Variants in RCCD1 observed in about 807,000 individuals in gnomAD.
RCCD1 encodes the protein RCC1 domain containing 1, also known as RCC1 domain-containing protein 1.
A neutral mutation model predicts 37.6 loss-of-function variants in RCCD1; 40 were observed. The ratio of observed to expected loss-of-function variants is 1.06; its 90% CI spans 0.83 to 1.39. The LOEUF (loss-of-function observed/expected upper bound fraction) is 1.39. Among genes scored for constraint, RCCD1 ranks in the 40% most tolerant of loss-of-function variants. RCCD1 has a pLI of 0.00. For synonymous variants in RCCD1, 263 were observed against 230.0 expected (o/e 1.14, Z -1.30); for missense variants, 577 against 517.3 (o/e 1.12, Z -1.12).
At chr15:90,957,058 T>TC (rs1338729423) in intron 2 of RCCD1, 55 bp from the exon 3 acceptor site, 14 of 1,295,072 alleles carry the variant, frequency 1.1e-5, no homozygotes, top group Non-Finnish European at 1.3e-5. Context: ...AACACCCCGC[T>TC]CCCCCCATCC....
chr15:90,961,512 G>A, intron 7 of RCCD1, 106 bp from the exon 8 acceptor site: 4 of 1,294,346 alleles, frequency 3.1e-6, no homozygotes, highest in Non-Finnish European at 4.2e-6. Flanking sequence ...ACAGAGCAGT[G>A]GGGCATAATC....
Position 90,957,699 on chromosome 15 carries a change from G to A in RCCD1, c.653G>A (p.Gly218Glu), listed in dbSNP as rs754145630. 23 of 1,612,680 alleles carry A rather than the reference G, an allele frequency of 1.4e-5. No individual in the cohort carries two copies. Among genetic ancestry groups the A allele is most frequent in the Admixed American group, 3.3e-5 (2 of 59,812 alleles). ...QGLVMAEVAA[G>E]GWHSVCVSET... ...CTAGTCATGGCTGAGGTGGCCGCGG[G>A]GGGCTGGCATTCTGTGTGTGTGAGT... The change falls in exon 4 of 8, where the codon GGG becomes GAG. Residue 218 changes from glycine (G) to glutamate (E), a missense_variant. By Grantham distance (98) the Gly-to-Glu change is moderately conservative. Transcript: ENST00000394258.
chr15:90,955,347 G>T (rs2037151993), intron 1 of RCCD1: 1 of 152,252 alleles, frequency 6.6e-6, no homozygotes, highest in Non-Finnish European at 1.5e-5. Context: ...CCCGCTGGGC[G>T]GGAGGCCTTT....
rs923305512 is a variant in RCCD1, at chr15:90,954,938, C to T, written c.-134C>T. 1 of 152,488 alleles carries T rather than the reference C, an allele frequency of 6.6e-6. No individual in the cohort carries two copies. The highest frequency in any genetic ancestry group is 2.4e-5 in the African/African-American group (1 of 41,476). 9.4% of individuals were successfully genotyped at this position (152,488 alleles called of 1,614,324 possible). ...TGTCGGGTTTTGAGCTGCCGCGGTCCCGGGACTGAGGTGGGTGGCGGGGTC... is the reference window on the plus strand; with the variant it reads ...TGTCGGGTTTTGAGCTGCCGCGGTCTCGGGACTGAGGTGGGTGGCGGGGTC... On this transcript the variant is annotated 5_prime_UTR_variant, in exon 1 of 8. Coordinates refer to ENST00000394258, the MANE Select transcript of RCCD1 (RefSeq NM_001017919.2).
In RCCD1 at chr15:90,960,375, G is replaced by C. The variant is rs755068763; in HGVS notation, c.826G>C (p.Ala276Pro). 6.2e-7 allele frequency: 1 copy of C among 1,613,646 alleles called. No individual in the cohort carries two copies. Among genetic ancestry groups the C allele is most frequent in the Admixed American group, 1.7e-5 (1 of 59,980 alleles). The stretch of plus-strand genomic sequence containing the variant: ...TTCTCAGGTGAAGAGAACGGGTGGG[G>C]CTGAGGATGGAGCCCCTGCCCCCTT... ...DGSQVKRTGG[A>P]EDGAPAPFIA... Residue 276 changes from alanine (A) to proline (P), a missense_variant, in exon 6 of 8, where the codon GCT (alanine) becomes CCT (proline). Ala to Pro is a conservative substitution (Grantham distance 27). Transcript: ENST00000394258.
At chr15:90,961,117 G>A in intron 7 of RCCD1, 63 bp downstream of exon 7, 1 of 1,526,344 alleles carries the variant, frequency 6.6e-7, no homozygotes. Context: ...GGGAGTACAG[G>A]GCAGGTGACA....
Position 90,959,937 on chromosome 15 carries a change from A to C in RCCD1, c.717A>C (p.Ser239=). ...GDIYIWGWNE[S]GQLALPTRNL... ...TTTATATCTGGGGCTGGAATGAATC[A>C]GGGCAGCTGGCCCTGCCCACCAGGA... Residue 239 remains serine (S), a synonymous_variant, in exon 5 of 8, where the codon TCA becomes TCC. Coordinates refer to ENST00000394258, the MANE Select transcript of RCCD1 (RefSeq NM_001017919.2). 6.2e-7 allele frequency: 1 copy of C among 1,613,724 alleles called. No homozygotes were observed. The highest frequency in any genetic ancestry group is 1.7e-4 in the Middle Eastern group (1 of 5,950).
intron 4 of RCCD1, among the ~76,000 whole-genome samples, chr15:90,958,158 G>A (rs1248468770): frequency 2.6e-5 from 4 of 152,352 alleles, no homozygotes; most frequent in Middle Eastern, 3.4e-3. Context: ...GTGTGTCCCT[G>A]TGGTGGTGCC....
rs2037198591 is a variant in RCCD1 at position 90,956,626 on chromosome 15, G to T, written c.-109G>T. On this transcript the variant is annotated 5_prime_UTR_variant, in exon 2 of 8. Transcript: ENST00000394258. ...CCATTTTACAGATAAGGCAGCTCCA[G>T]CCCCTGGAAGGCCAGAGACTTGCCA... The T allele has an allele frequency of 2.0e-6, 2 of 1,023,878 alleles. No homozygotes were observed. The highest frequency in any genetic ancestry group is 8.6e-5 in the Admixed American group (2 of 23,180). 63.4% of individuals were successfully genotyped at this position (1,023,878 alleles called of 1,614,324 possible). A position where few individuals can be genotyped will look rare whatever the true frequency, so the allele number is the denominator to read the frequency against.
chr15:90,957,701 G>T lies in RCCD1; in HGVS notation c.655G>T (p.Gly219Cys), dbSNP rs553108069. The T allele has an allele frequency of 1.2e-6, 2 of 1,612,582 alleles. No individual in the cohort carries two copies. Among genetic ancestry groups the T allele is most frequent in the East Asian group, 4.5e-5 (2 of 44,858 alleles). The change falls in exon 4 of 8, where the codon GGC becomes TGC. Residue 219 changes from glycine to cysteine, a missense_variant. Physicochemically the swap from Gly to Cys is radical, Grantham distance 159 (BLOSUM62 -3). Transcript: ENST00000394258. ...GLVMAEVAAG[G>C]WHSVCVSETG... ...AGTCATGGCTGAGGTGGCCGCGGGG[G>T]GCTGGCATTCTGTGTGTGTGAGTGG...
At chr15:90,956,963 C>T in intron 2 of RCCD1, 63 bp downstream of exon 2, 2 of 1,269,162 alleles carry the variant, frequency 1.6e-6, no homozygotes, top group African/African-American at 3.1e-5. Context: ...CTCCCCGCAC[C>T]GCTGTGGCCA....
rs753105260 is a variant in RCCD1 at position 90,962,109 on chromosome 15, A to G, written c.*340A>G. On this transcript the variant is annotated 3_prime_UTR_variant, in exon 8 of 8. Transcript: ENST00000394258. ...CTGAGATTGGGGCACATTCCAGGTC[A>G]TCGTCTTCTGTCAGTCATTTCCCTG... 12 of 176,270 alleles carry G rather than the reference A, an allele frequency of 6.8e-5. No individual in the cohort carries two copies. Among genetic ancestry groups the G allele is most frequent in the Non-Finnish European group, 1.3e-4 (11 of 83,536 alleles). 10.9% of individuals were successfully genotyped at this position (176,270 alleles called of 1,614,324 possible).
At chr15:90,956,184 C>T (rs1490901739) in intron 1 of RCCD1, among the ~76,000 whole-genome samples, 2 of 152,206 alleles carry the variant, frequency 1.3e-5, no homozygotes, top group African/African-American at 2.4e-5. Flanking sequence ...TTCTGCGTTC[C>T]GCTGTGGGGA....
At chr15:90,961,255 A>AG (rs1567169899) in intron 7 of RCCD1, 1 of 608,678 alleles carries the variant, frequency 1.6e-6, no homozygotes. Flanking sequence ...AGACATGGAG[A>AG]GGATATCGGT....
rs913430799 is a variant in RCCD1 at position 90,956,681 on chromosome 15, T to TC, written c.-48dup. The TC allele has an allele frequency of 2.4e-6, 3 of 1,232,134 alleles. No homozygotes were observed. The highest frequency in any genetic ancestry group is 3.1e-5 in the African/African-American group (2 of 63,868). The allele number at this position is 1,232,134 out of a possible 1,614,324, so 76.3% of individuals were successfully genotyped here. A position where few individuals can be genotyped will look rare whatever the true frequency, so the allele number is the denominator to read the frequency against. On this transcript the variant is annotated 5_prime_UTR_variant, in exon 2 of 8. Coordinates refer to ENST00000394258, the MANE Select transcript of RCCD1 (RefSeq NM_001017919.2). ...CCCACTAGCGGGCTCTTCGCAAGAA[T>TC]CCCCCCGGGCCCGCCGCAGCCAGGC...
In RCCD1 at chr15:90,961,641, G is replaced by A. The variant is rs560623465; in HGVS notation, c.1003G>A (p.Glu335Lys). Residue 335 changes from glutamate (E) to lysine (K), a missense_variant, in exon 8 of 8, where the codon GAG (glutamate) becomes AAG (lysine). Transcript: ENST00000394258. ...GWGKYGQLGH[E>K]DTTSLDRPRR... is the part of the protein sequence containing the mutation. ...AGGTAAATATGGACAGCTGGGCCAC[G>A]AGGACACCACCAGCTTGGATCGGCC... 8 of 1,613,840 alleles carry A rather than the reference G, an allele frequency of 5.0e-6. No individual in the cohort carries two copies. The highest frequency in any genetic ancestry group is 4.4e-5 in the South Asian group (4 of 91,058).
chr15:90,961,425 G>A (rs946080226), intron 7 of RCCD1, 193 bp from the exon 8 acceptor site: 6 of 604,214 alleles, frequency 9.9e-6, no homozygotes, highest in Admixed American at 6.1e-5. Flanking sequence ...CTGGAGGAGC[G>A]TCTTGCCTGG....
At chr15:90,960,144 C>T (rs910353868) in intron 5 of RCCD1, 146 bp downstream of exon 5, 17 of 908,890 alleles carry the variant, frequency 1.9e-5, no homozygotes, top group Admixed American at 2.6e-5. Context: ...AGGCTGATGC[C>T]GGTCTTGGCA....
intron 7 of RCCD1, 46 bp downstream of exon 7, chr15:90,961,100 A>C (rs747833529): frequency 2.3e-5 from 36 of 1,590,292 alleles, no homozygotes; most frequent in South Asian, 7.8e-5. Context: ...AAGGAGAAGA[A>C]AGACCTGGGA....
Sources: gnomAD v4.1 joint callset for allele counts (sites outside exome capture counted in the v4.1 genomes callset) on GRCh38, gnomAD v4.1.1 for gene constraint, MANE v1.5 for transcripts, NCBI Gene and HGNC (gene_info 2026-07-23, HGNC 2026-07-21) for gene names.